The following ANO4 variants were observed in gnomAD, a reference collection of about 807,000 sequenced individuals.
ANO4 encodes the protein anoctamin 4, also known as anoctamin-4.
ANO4 carries 69 observed loss-of-function variants against 141.9 expected under a neutral mutation model. The observed-to-expected ratio is 0.49, with a 90% confidence interval of 0.40 to 0.59. The LOEUF (loss-of-function observed/expected upper bound fraction) is 0.59, where lower values mean the gene tolerates loss of function less well. Ranked by LOEUF, ANO4 falls within the 20% of genes least tolerant of loss-of-function variation. The probability of loss-of-function intolerance (pLI) is 0.00; values close to 1 mark genes in which losing one functional copy is unlikely to be tolerated. For missense variants in ANO4, 894 were observed against 1,162.2 expected, an observed-to-expected ratio of 0.77 and a Z score of 3.36; for synonymous variants, 350 against 394.3, an observed-to-expected ratio of 0.89 and a Z score of 1.33.
At chr12:100,913,575 A>C (rs1239005493) in intron 2 of ANO4, among the ~76,000 whole-genome samples, 1 of 152,138 alleles carries the variant, frequency 6.6e-6, no homozygotes, top group African/African-American at 2.4e-5. Flanking sequence ...ATAGGTATGT[A>C]TGTATAGGAA....
rs371132889 is a variant in ANO4, at chr12:100,843,987, CTTCATTCA to C, written c.-141+48985_-141+48992del. On this transcript the variant is annotated intron_variant, in intron 1 of 27. Transcript: ENST00000392977. ...ACGATGCATGTCAAAGATGGCTGTGCTTCATTCATTCATTCATTCATTCATTCATTCAG... is the reference window on the plus strand; with the variant it reads ...ACGATGCATGTCAAAGATGGCTGTGCTTCATTCATTCATTCATTCATTCAG... Among the ~76,000 whole-genome samples the C allele has an allele frequency of 7.2e-5, 11 of 151,968 alleles. No individual in the cohort carries two copies. In the East Asian group the frequency reaches 9.7e-4, roughly 13 times the overall value.
chr12:100,780,394 A>G (rs1353296055), intron 3 of ANO4, among the ~76,000 whole-genome samples: 6 of 152,214 alleles, frequency 3.9e-5, no homozygotes, highest in East Asian at 1.9e-4. Context: ...GTAGCAGCCA[A>G]TAGCACTCGT....
intron 14 of ANO4, among the ~76,000 whole-genome samples, chr12:101,060,731 G>A (rs1461818241): frequency 6.6e-6 from 1 of 151,768 alleles, no homozygotes; most frequent in African/African-American, 2.4e-5. Flanking sequence ...CATTTGCTTG[G>A]TAAATATTCT....
intron 8 of ANO4, among the ~76,000 whole-genome samples, chr12:100,990,268 G>A (rs1036806322): frequency 1.3e-5 from 2 of 152,134 alleles, no homozygotes; most frequent in Non-Finnish European, 2.9e-5. Context: ...AGGGTTATAG[G>A]TGTATGGAAG....
At chr12:101,050,433 C>T (rs1003165165) in intron 14 of ANO4, among the ~76,000 whole-genome samples, 1 of 152,076 alleles carries the variant, frequency 6.6e-6, no homozygotes, top group Non-Finnish European at 1.5e-5. Flanking sequence ...ACAAACTAAC[C>T]CTAACAGAAT....
chr12:101,040,426 A>C (rs1301826389), intron 11 of ANO4, among the ~76,000 whole-genome samples: 2 of 152,220 alleles, frequency 1.3e-5, no homozygotes, highest in African/African-American at 2.4e-5. Flanking sequence ...TACATATATT[A>C]CTGACAAAGT....
At chr12:100,775,568 A>G (rs1203117674) in intron 3 of ANO4, among the ~76,000 whole-genome samples, 8 of 152,212 alleles carry the variant, frequency 5.3e-5, no homozygotes, top group South Asian at 2.1e-4. Context: ...TCTGTCTCTC[A>G]GAATCTCAAG....
intron 14 of ANO4, among the ~76,000 whole-genome samples, chr12:101,051,335 T>C (rs7297530): frequency 0.22 from 33,123 of 152,120 alleles, 3,975 homozygotes; most frequent in Non-Finnish European, 0.27. Flanking sequence ...AAGACTCTGA[T>C]GGATGTTTTA....
chr12:101,007,688 G>T (rs888719370), intron 8 of ANO4, among the ~76,000 whole-genome samples: 15 of 152,100 alleles, frequency 9.9e-5, no homozygotes, highest in Non-Finnish European at 1.6e-4. Flanking sequence ...ATATTATTTG[G>T]GGGGGAAAAG....
Position 101,083,836 on chromosome 12 carries a change from A to C in ANO4, c.1536+18A>C. The C allele has an allele frequency of 6.5e-7, 1 of 1,539,840 alleles. No homozygotes were observed. Among genetic ancestry groups the C allele is most frequent in the Non-Finnish European group, 8.7e-7 (1 of 1,149,012 alleles). ...TTTTTATGGTTTGAAACTTTTAAAA[A>C]AATATTTGTTTCATAAAATACAAAC... On this transcript the variant is annotated intron_variant, in intron 16 of 27. Coordinates refer to ENST00000392977, the MANE Select transcript of ANO4 (RefSeq NM_001286615.2).
At chr12:100,866,764 T>A (rs1019482445) in intron 1 of ANO4, among the ~76,000 whole-genome samples, 3 of 152,204 alleles carry the variant, frequency 2.0e-5, no homozygotes, top group Non-Finnish European at 2.9e-5. Context: ...AGTGGATAGT[T>A]AGTGATTAGG....
chr12:100,827,320 T>C (rs896348907), intron 1 of ANO4, among the ~76,000 whole-genome samples: 4 of 152,118 alleles, frequency 2.6e-5, no homozygotes, highest in African/African-American at 7.2e-5. Context: ...CATCATTATA[T>C]GCATAGCTAA....
chr12:101,102,369 C>T (rs758723234), intron 22 of ANO4, among the ~76,000 whole-genome samples: 97 of 152,178 alleles, frequency 6.4e-4, no homozygotes, highest in Non-Finnish European at 1.1e-3. Flanking sequence ...AGTTATTCCA[C>T]AAACTTACTA....
At chr12:100,839,798 CT>C (rs2037140764) in intron 1 of ANO4, among the ~76,000 whole-genome samples, 1 of 152,016 alleles carries the variant, frequency 6.6e-6, no homozygotes, top group Non-Finnish European at 1.5e-5. Flanking sequence ...AATTCTGTGT[CT>C]GGGCTTCACT....
chr12:101,106,573 GTATA>G (rs56808655), intron 22 of ANO4, among the ~76,000 whole-genome samples: 9 of 138,590 alleles, frequency 6.5e-5, no homozygotes, highest in South Asian at 2.3e-4. Context: ...GTGTGTGTGT[GTATA>G]TATATATATA....
At chr12:100,871,149 A>G (rs1466155903) in intron 1 of ANO4, among the ~76,000 whole-genome samples, 2 of 152,144 alleles carry the variant, frequency 1.3e-5, no homozygotes, top group Admixed American at 6.5e-5. Context: ...ATCACCTTAA[A>G]TCTTTGATGA....
chr12:101,122,504 T>C (rs1242667540), intron 26 of ANO4, among the ~76,000 whole-genome samples: 1 of 152,214 alleles, frequency 6.6e-6, no homozygotes, highest in Non-Finnish European at 1.5e-5. Context: ...CTTCTAGCAT[T>C]TTTATAGTTG....
intron 8 of ANO4, 144 bp from the exon 9 acceptor site, chr12:101,019,890 T>C: frequency 1.5e-6 from 1 of 677,872 alleles, no homozygotes. Flanking sequence ...TGGTGTGATC[T>C]CTGGCTCCCT....
At chr12:100,862,165 G>T (rs1206321446) in intron 1 of ANO4, among the ~76,000 whole-genome samples, 1 of 152,082 alleles carries the variant, frequency 6.6e-6, no homozygotes, top group Non-Finnish European at 1.5e-5. Flanking sequence ...GGGCTCAAGC[G>T]ATCCTCTCAC....
Sources: gnomAD v4.1 joint callset for allele counts (sites outside exome capture counted in the v4.1 genomes callset) on GRCh38, gnomAD v4.1.1 for gene constraint, MANE v1.5 for transcripts, NCBI Gene and HGNC (gene_info 2026-07-23, HGNC 2026-07-21) for gene names.